The following ATP8A2 variants were observed in gnomAD, a reference collection of about 807,000 sequenced individuals.
ATP8A2 encodes the protein phospholipid-transporting ATPase IB.
ATP8A2 carries 100 observed loss-of-function variants against 165.6 expected under a neutral mutation model. That is an observed-to-expected ratio of 0.60 (90% confidence interval 0.51 to 0.71). The LOEUF (loss-of-function observed/expected upper bound fraction) is 0.71. ATP8A2 is among the 30% of genes least tolerant of loss of function. The probability of loss-of-function intolerance (pLI) is 0.00; values close to 1 mark genes in which losing one functional copy is unlikely to be tolerated. For missense variants in ATP8A2, 1,227 were observed against 1,479.5 expected (o/e 0.83, Z 2.80); for synonymous variants, 543 against 548.8 (o/e 0.99, Z 0.15).
intron 27 of ATP8A2, among the ~76,000 whole-genome samples, chr13:25,798,280 G>A (rs1428225618): frequency 6.6e-6 from 1 of 152,182 alleles, no homozygotes; most frequent in African/African-American, 2.4e-5. Flanking sequence ...GAGCAGTGAT[G>A]CATATAACTG....
At chr13:25,794,807 G>A (rs1000245399) in intron 27 of ATP8A2, among the ~76,000 whole-genome samples, 4 of 129,052 alleles carry the variant, frequency 3.1e-5, no homozygotes, top group African/African-American at 8.7e-5. Flanking sequence ...CTGCCCCAAC[G>A]CATTCCCTCT....
chr13:25,900,842 C>T (rs995151853), intron 33 of ATP8A2, among the ~76,000 whole-genome samples: 20 of 152,136 alleles, frequency 1.3e-4, no homozygotes, highest in Non-Finnish European at 2.4e-4. Flanking sequence ...ATGGAAAACA[C>T]GGGAGAAGAG....
intron 1 of ATP8A2, among the ~76,000 whole-genome samples, chr13:25,408,911 C>A: frequency 6.6e-6 from 1 of 152,178 alleles, no homozygotes; most frequent in Non-Finnish European, 1.5e-5. Flanking sequence ...GAGCTTTCTG[C>A]AAACATGCAA....
At chr13:25,668,147 T>C (rs1430975319) in intron 24 of ATP8A2, among the ~76,000 whole-genome samples, 1 of 152,210 alleles carries the variant, frequency 6.6e-6, no homozygotes, top group Non-Finnish European at 1.5e-5. Flanking sequence ...TATTTCTTCA[T>C]ATAGCTTTGA....
At chr13:25,746,442 G>T (rs561165771) in intron 25 of ATP8A2, among the ~76,000 whole-genome samples, 2 of 152,322 alleles carry the variant, frequency 1.3e-5, no homozygotes, top group East Asian at 1.9e-4. Context: ...GCTGATTAAA[G>T]AATTTGAATT....
chr13:25,517,005 T>A (rs1218234005), intron 2 of ATP8A2: 1 of 151,878 alleles, frequency 6.6e-6, no homozygotes. Context: ...GGCCTCGAAC[T>A]CCTGACCTCA....
At chr13:25,388,841 G>A (rs1438199263) in intron 1 of ATP8A2, among the ~76,000 whole-genome samples, 1 of 152,184 alleles carries the variant, frequency 6.6e-6, no homozygotes, top group Non-Finnish European at 1.5e-5. Flanking sequence ...GGAAGTTGGG[G>A]TGAGGGCAGG....
rs902992840 is a variant in ATP8A2, at chr13:25,705,828, C to T, written c.2384+6483C>T. Among the ~76,000 whole-genome samples the T allele has an allele frequency of 2.0e-5, 3 of 152,176 alleles. 1 individual carries two copies. Among genetic ancestry groups the T allele is most frequent in the African/African-American group, 7.2e-5 (3 of 41,442 alleles). Reference sequence around the variant, plus strand: ...ACTTTTCATTGGACGAAGGGTTACACCTTTTACAATATGCAAAGTTAAAGG... The same window carrying T: ...ACTTTTCATTGGACGAAGGGTTACATCTTTTACAATATGCAAAGTTAAAGG... On this transcript the variant is annotated intron_variant, in intron 25 of 36. Coordinates refer to ENST00000381655, the MANE Select transcript of ATP8A2 (RefSeq NM_016529.6).
chr13:25,876,835 A>T (rs904453927), intron 33 of ATP8A2, among the ~76,000 whole-genome samples: 2 of 152,218 alleles, frequency 1.3e-5, no homozygotes, highest in African/African-American at 4.8e-5. Flanking sequence ...AATAGAATTA[A>T]ATATTGCATT....
At chr13:25,843,635 G>T (rs953351993) in intron 30 of ATP8A2, among the ~76,000 whole-genome samples, 8 of 152,094 alleles carry the variant, frequency 5.3e-5, no homozygotes, top group African/African-American at 1.9e-4. Context: ...GACTTCGCAG[G>T]CTCCAGAACT....
chr13:25,469,820 A>G (rs1035029001), intron 2 of ATP8A2, among the ~76,000 whole-genome samples: 1 of 152,232 alleles, frequency 6.6e-6, no homozygotes, highest in Non-Finnish European at 1.5e-5. Context: ...AACCCAGCCC[A>G]TCTGACTACT....
At chr13:25,554,495 T>TATATAA (rs999646432) in intron 12 of ATP8A2, among the ~76,000 whole-genome samples, 1 of 151,380 alleles carries the variant, frequency 6.6e-6, no homozygotes, top group Non-Finnish European at 1.5e-5. Context: ...AAATCATATC[T>TATATAA]ATATAAATAT....
intron 24 of ATP8A2, among the ~76,000 whole-genome samples, chr13:25,629,593 T>G (rs928138007): frequency 1.3e-5 from 2 of 152,298 alleles, no homozygotes; most frequent in South Asian, 4.1e-4. Flanking sequence ...ATGGTGCATA[T>G]GATCTGTAGC....
At chr13:25,896,345 C>G (rs1299261886) in intron 33 of ATP8A2, among the ~76,000 whole-genome samples, 1 of 152,100 alleles carries the variant, frequency 6.6e-6, no homozygotes, top group African/African-American at 2.4e-5. Context: ...GAGCGGTTTT[C>G]AGTGAGTTTC....
In ATP8A2 at chr13:25,372,075, G is replaced by A. The variant is rs1431724910; in HGVS notation, c.-138G>A. 15 of 476,832 alleles carry A rather than the reference G, an allele frequency of 3.1e-5. No individual in the cohort carries two copies. The highest frequency in any genetic ancestry group is 4.7e-5 in the Non-Finnish European group (15 of 318,978). The allele number at this position is 476,832 out of a possible 1,614,324, so 29.5% of individuals were successfully genotyped here. A position where few individuals can be genotyped will look rare whatever the true frequency, so the allele number is the denominator to read the frequency against. Reference sequence around the variant, plus strand: ...CAGCCTCGGGCGCGGCCCGGCACAGGCGCCGGCGGTCCCCGCCAGCTAGCA... The same window carrying A: ...CAGCCTCGGGCGCGGCCCGGCACAGACGCCGGCGGTCCCCGCCAGCTAGCA... On this transcript the variant is annotated 5_prime_UTR_variant, in exon 1 of 37. Coordinates refer to ENST00000381655, the MANE Select transcript of ATP8A2 (RefSeq NM_016529.6). This position sits in a 1 kb window ranked among gnomAD's most constrained non-coding sequence, Gnocchi z 4.8.
At chr13:25,650,722 C>G (rs951888565) in intron 24 of ATP8A2, among the ~76,000 whole-genome samples, 7 of 152,254 alleles carry the variant, frequency 4.6e-5, no homozygotes, top group East Asian at 1.9e-4. Context: ...AGTGTATCAA[C>G]TAATTTTCCT....
intron 16 of ATP8A2, among the ~76,000 whole-genome samples, chr13:25,569,777 A>G (rs1261002515): frequency 1.3e-5 from 2 of 152,222 alleles, no homozygotes; most frequent in African/African-American, 4.8e-5. Context: ...CAATGTTTCT[A>G]CTTACATCCC....
intron 2 of ATP8A2, among the ~76,000 whole-genome samples, chr13:25,492,072 TTTGAGACGGAGTCTCACTCTG>T (rs1344578774): frequency 6.6e-6 from 1 of 152,256 alleles, no homozygotes; most frequent in Non-Finnish European, 1.5e-5. Context: ...TTTTTTTGTT[TTTGAGACGGAGTCTCACTCTG>T]TTGTCCAGGC....
intron 25 of ATP8A2, among the ~76,000 whole-genome samples, chr13:25,732,289 C>G (rs1382672517): frequency 1.3e-5 from 2 of 152,164 alleles, no homozygotes; most frequent in African/African-American, 2.4e-5. Context: ...GAATCTGTAC[C>G]AGAATTCGGA....
Sources: gnomAD v4.1 joint callset for allele counts (sites outside exome capture counted in the v4.1 genomes callset) on GRCh38, gnomAD v4.1.1 for gene constraint, Gnocchi (gnomAD v3.1) non-coding constraint, MANE v1.5 for transcripts, NCBI Gene and HGNC (gene_info 2026-07-23, HGNC 2026-07-21) for gene names.